The following WWOX variants were observed in gnomAD, a reference collection of about 807,000 sequenced individuals.
The protein encoded by WWOX is WW domain-containing oxidoreductase.
WWOX carries 69 observed loss-of-function variants against 46.2 expected under a neutral mutation model. The ratio of observed to expected loss-of-function variants is 1.49; its 90% confidence interval spans 1.23 to 1.82. WWOX has a LOEUF of 1.82. WWOX is among the 40% of genes most tolerant of loss of function. The pLI is 0.00. For missense variants in WWOX, 919 were observed against 542.6 expected, an observed-to-expected ratio of 1.69 and a Z score of -6.89; for synonymous variants, 359 against 202.6, an observed-to-expected ratio of 1.77 and a Z score of -6.56.
intron 8 of WWOX, among the ~76,000 whole-genome samples, chr16:78,807,214 A>G (rs892961575): frequency 4.6e-5 from 7 of 152,294 alleles, no homozygotes; most frequent in African/African-American, 1.4e-4. Context: ...GCTGTTTTTC[A>G]TGAATTTTCC....
At chr16:79,048,011 T>A (rs2048097803) in intron 8 of WWOX, among the ~76,000 whole-genome samples, 1 of 152,056 alleles carries the variant, frequency 6.6e-6, no homozygotes, top group Non-Finnish European at 1.5e-5. Flanking sequence ...TCCCTTGTGG[T>A]CAAGGTGGCT....
intron 6 of WWOX, among the ~76,000 whole-genome samples, chr16:78,387,615 G>C (rs1184549779): frequency 6.6e-6 from 1 of 152,046 alleles, no homozygotes; most frequent in African/African-American, 2.4e-5. Flanking sequence ...AGACAGACAG[G>C]AGGCCTCAAA....
At chr16:78,537,556 G>C (rs1050111913) in intron 8 of WWOX, among the ~76,000 whole-genome samples, 1 of 152,022 alleles carries the variant, frequency 6.6e-6, no homozygotes, top group African/African-American at 2.4e-5. Flanking sequence ...TGGTCATGCT[G>C]ACATACTAAA....
intron 8 of WWOX, among the ~76,000 whole-genome samples, chr16:78,605,106 G>A (rs1332610306): frequency 6.8e-6 from 1 of 148,102 alleles, no homozygotes; most frequent in East Asian, 2.0e-4. Flanking sequence ...CTTAAAAGTT[G>A]TTAAGTCTGT....
At chr16:79,199,663 C>T (rs1348198544) in intron 8 of WWOX, among the ~76,000 whole-genome samples, 2 of 152,124 alleles carry the variant, frequency 1.3e-5, no homozygotes, top group South Asian at 4.2e-4. Flanking sequence ...ATCCTGGCCC[C>T]TGTATGGGAT....
chr16:78,463,835 A>G (rs1488526361), intron 8 of WWOX, among the ~76,000 whole-genome samples: 1 of 152,144 alleles, frequency 6.6e-6, no homozygotes, highest in East Asian at 1.9e-4. Context: ...TTTGTTTGCA[A>G]ATGATCACCT....
At chr16:78,424,806 G>A (rs1241109669) in intron 6 of WWOX, 64 bp from the exon 7 acceptor site, 1 of 1,585,036 alleles carries the variant, frequency 6.3e-7, no homozygotes, top group African/African-American at 1.4e-5. Context: ...ATTCCCGAAG[G>A]AGCATGGATT....
At chr16:79,156,233 C>T (rs1418867021) in intron 8 of WWOX, among the ~76,000 whole-genome samples, 1 of 152,218 alleles carries the variant, frequency 6.6e-6, no homozygotes, top group African/African-American at 2.4e-5. Flanking sequence ...ACAATTTCAG[C>T]TCACTGCAAC....
At chr16:78,317,846 C>G (rs2151880998) in intron 5 of WWOX, among the ~76,000 whole-genome samples, 1 of 152,278 alleles carries the variant, frequency 6.6e-6, no homozygotes, top group South Asian at 2.1e-4. Flanking sequence ...GACAGTGAGA[C>G]TACTATCATT....
intron 8 of WWOX, among the ~76,000 whole-genome samples, chr16:79,200,374 A>C (rs896543101): frequency 6.6e-6 from 1 of 152,162 alleles, no homozygotes; most frequent in African/African-American, 2.4e-5. Flanking sequence ...GGTGCTACAA[A>C]GGGTATAGAG....
At chr16:78,326,823 A>T (rs2080634001) in intron 5 of WWOX, among the ~76,000 whole-genome samples, 1 of 152,158 alleles carries the variant, frequency 6.6e-6, no homozygotes, top group South Asian at 2.1e-4. Context: ...TGCTTATTTT[A>T]GGAAATGTGT....
At position 79,019,596 on chromosome 16, in the gene WWOX, A is replaced by G. The variant is rs918890803; in HGVS notation, c.1057-192012A>G. On this transcript the variant is annotated intron_variant, in intron 8 of 8. Coordinates refer to ENST00000566780, the MANE Select transcript of WWOX (RefSeq NM_016373.4). ...GGGGAAAAAACAAAAGCAGAAAGCA[A>G]GCAAGCTGGTATCCTGCGTATCTGT... 3.9e-4 allele frequency among the ~76,000 whole-genome samples: 60 copies of G among 152,214 alleles called. 1 individual carries two copies. The highest frequency in any genetic ancestry group is 1.3e-3 in the African/African-American group (55 of 41,532).
intron 8 of WWOX, among the ~76,000 whole-genome samples, chr16:78,695,381 G>A (rs2048077566): frequency 6.6e-6 from 1 of 152,108 alleles, no homozygotes; most frequent in African/African-American, 2.4e-5. Context: ...CAATGAATGA[G>A]TTTTTGCTCC....
chr16:78,651,832 A>G (rs1347787317), intron 8 of WWOX, among the ~76,000 whole-genome samples: 1 of 152,204 alleles, frequency 6.6e-6, no homozygotes, highest in Non-Finnish European at 1.5e-5. Flanking sequence ...GGTTGGACTC[A>G]TGCCTTATTC....
At chr16:78,264,973 C>T (rs1424211264) in intron 5 of WWOX, 156 of 134,998 alleles carry the variant, frequency 1.2e-3, no homozygotes, top group African/African-American at 4.0e-3. Context: ...CCCCTCCCCT[C>T]CCTTCCCTTC....
intron 8 of WWOX, among the ~76,000 whole-genome samples, chr16:79,101,946 T>C (rs2049205499): frequency 6.7e-6 from 1 of 149,482 alleles, no homozygotes; most frequent in East Asian, 2.0e-4. Context: ...GCTAAACAAT[T>C]CTGGAAGAGT....
intron 8 of WWOX, among the ~76,000 whole-genome samples, chr16:78,935,039 C>A (rs573619922): frequency 6.6e-6 from 1 of 152,240 alleles, no homozygotes; most frequent in South Asian, 2.1e-4. Flanking sequence ...ACATGCAAAT[C>A]AAAACCACAA....
chr16:79,018,889 C>T (rs2047471130), intron 8 of WWOX, among the ~76,000 whole-genome samples: 1 of 151,736 alleles, frequency 6.6e-6, no homozygotes, highest in African/African-American at 2.4e-5. Flanking sequence ...GGTGGCTCAC[C>T]CATGTAATCC....
chr16:78,769,603 C>T (rs1425257293), intron 8 of WWOX, among the ~76,000 whole-genome samples: 1 of 143,124 alleles, frequency 7.0e-6, no homozygotes, highest in Non-Finnish European at 1.5e-5. Context: ...TCTGTTACTC[C>T]ATCAGTCAGG....
Sources: gnomAD v4.1 joint callset for allele counts (sites outside exome capture counted in the v4.1 genomes callset) on GRCh38, gnomAD v4.1.1 for gene constraint, MANE v1.5 for transcripts, NCBI Gene and HGNC (gene_info 2026-07-23, HGNC 2026-07-21) for gene names.